The following PTGER3 variants were observed in gnomAD, a reference collection of about 807,000 sequenced individuals.
PTGER3 encodes the protein prostaglandin E2 receptor EP3 subtype.
Under a neutral mutation model 34.7 loss-of-function variants are expected in PTGER3, and 22 were observed. The ratio of observed to expected loss-of-function variants is 0.63; its 90% CI spans 0.45 to 0.91. The LOEUF (loss-of-function observed/expected upper bound fraction) is 0.91. Among genes scored for constraint, PTGER3 ranks in the 40% least tolerant of loss-of-function variants. PTGER3 has a pLI of 0.00. For missense variants in PTGER3, 468 were observed against 519.4 expected (o/e 0.90, Z 0.96); for synonymous variants, 241 against 230.1 (o/e 1.05, Z -0.43).
chr1:71,037,841 T>C (rs1399581198), intron 1 of PTGER3, among the ~76,000 whole-genome samples: 1 of 152,212 alleles, frequency 6.6e-6, no homozygotes, highest in African/African-American at 2.4e-5. Flanking sequence ...ATAACTTTCT[T>C]CTGTTCTTCT....
At chr1:70,852,715 TG>T in exon 5 of PTGER3, 3 of 1,169,460 alleles carry the variant, frequency 2.6e-6, no homozygotes, top group Non-Finnish European at 3.8e-6. Context: ...TATTTGGGGG[TG>T]GGCTTGGGGG....
At chr1:70,858,642 A>G (rs1465547702) in intron 4 of PTGER3, among the ~76,000 whole-genome samples, 1 of 152,162 alleles carries the variant, frequency 6.6e-6, no homozygotes, top group African/African-American at 2.4e-5. Context: ...TATACCCTAA[A>G]AAGATTATAA....
chr1:70,987,200 A>G (rs1655007358), intron 2 of PTGER3, among the ~76,000 whole-genome samples: 2 of 152,134 alleles, frequency 1.3e-5, no homozygotes, highest in Non-Finnish European at 1.5e-5. Flanking sequence ...AGTTTGATGT[A>G]TTATAAAGGT....
At position 71,047,491 on chromosome 1, in the gene PTGER3, A is replaced by G. The variant is rs372929649; in HGVS notation, c.87T>C (p.Arg29=). 1.9e-5 allele frequency: 31 copies of G among 1,605,686 alleles called. No homozygotes were observed. The highest frequency in any genetic ancestry group is 6.7e-5 in the East Asian group (3 of 44,532). Residue 29 remains arginine (R), a synonymous_variant, in exon 1 of 4, where the codon CGT becomes CGC. Transcript: ENST00000306666. ...HSYTGMWAPE[R]SAEARGNLTR... ...TGAGGTTGCCCCGCGCCTCGGCGGA[A>G]CGCTCGGGCGCCCACATGCCTGTGT...
At chr1:71,000,471 T>C (rs1268451059) in intron 2 of PTGER3, among the ~76,000 whole-genome samples, 2 of 152,206 alleles carry the variant, frequency 1.3e-5, no homozygotes, top group Non-Finnish European at 2.9e-5. Flanking sequence ...GAAAGCATTC[T>C]CTTTCCATTT....
chr1:70,853,718 G>C (rs1645734614), intron 4 of PTGER3, among the ~76,000 whole-genome samples: 1 of 152,098 alleles, frequency 6.6e-6, no homozygotes, highest in Non-Finnish European at 1.5e-5. Flanking sequence ...TTTTAAATAG[G>C]TTAAGTGATC....
chr1:71,027,205 C>T (rs10889903), intron 1 of PTGER3, among the ~76,000 whole-genome samples: 56,559 of 150,062 alleles, frequency 0.38, 11,408 homozygotes, highest in South Asian at 0.48. Context: ...TCTCTGTCAC[C>T]GAGGCTGGAG....
At chr1:70,954,249 G>A (rs1027473862) in intron 2 of PTGER3, among the ~76,000 whole-genome samples, 2 of 152,110 alleles carry the variant, frequency 1.3e-5, no homozygotes, top group African/African-American at 4.8e-5. Context: ...ACCCAGGCTG[G>A]CCAAGAGGAT....
rs760281024 is a variant in PTGER3, at chr1:71,046,670, G to C, written c.897+11C>G. Reference sequence around the variant, plus strand: ...CGCATCCTGACTTCCCCCAACCCTGGAACTACCTACCAGGAGCGGAGACCA... The same window carrying C: ...CGCATCCTGACTTCCCCCAACCCTGCAACTACCTACCAGGAGCGGAGACCA... On this transcript the variant is annotated intron_variant, in intron 1 of 3. Coordinates refer to ENST00000306666, the MANE Select transcript of PTGER3 (RefSeq NM_198719.2). 38 of 1,533,786 alleles carry C rather than the reference G, an allele frequency of 2.5e-5. No homozygotes were observed. In the South Asian group the frequency reaches 4.4e-4, roughly 18 times the overall value.
At chr1:70,856,182 TA>T (rs1440071634) in intron 4 of PTGER3, among the ~76,000 whole-genome samples, 3 of 152,150 alleles carry the variant, frequency 2.0e-5, no homozygotes, top group South Asian at 2.1e-4. Context: ...ATAATATTTT[TA>T]TTTAGGAACT....
intron 2 of PTGER3, among the ~76,000 whole-genome samples, chr1:70,958,620 T>A (rs1201323814): frequency 6.6e-6 from 1 of 152,208 alleles, no homozygotes. Flanking sequence ...TCTCTCATTC[T>A]GTAGATTTTC....
chr1:71,010,070 C>A, intron 2 of PTGER3: 2 of 985,040 alleles, frequency 2.0e-6, no homozygotes, highest in Non-Finnish European at 2.4e-6. Flanking sequence ...TGCCATTCAT[C>A]CCCTCCTAAA....
chr1:71,012,133 T>C, intron 2 of PTGER3, 172 bp downstream of exon 2: 1 of 1,522,582 alleles, frequency 6.6e-7, no homozygotes. Flanking sequence ...AACAGTGGCA[T>C]GCCAGAGATG....
intron 4 of PTGER3, among the ~76,000 whole-genome samples, chr1:70,931,206 C>A (rs938325272): frequency 3.9e-5 from 6 of 152,186 alleles, no homozygotes; most frequent in African/African-American, 7.2e-5. Context: ...TCCAGGTCAC[C>A]CTGATGCAAG....
intron 4 of PTGER3, among the ~76,000 whole-genome samples, chr1:70,922,218 G>A (rs780079049): frequency 4.0e-5 from 6 of 151,544 alleles, no homozygotes; most frequent in African/African-American, 1.5e-4. Context: ...ATGCAAAGAA[G>A]GTTATAAAGA....
At chr1:70,860,704 C>A (rs1184991776) in intron 4 of PTGER3, among the ~76,000 whole-genome samples, 2 of 151,950 alleles carry the variant, frequency 1.3e-5, no homozygotes, top group Non-Finnish European at 2.9e-5. Context: ...AAGAACCTAC[C>A]AATAATGTTA....
intron 4 of PTGER3, among the ~76,000 whole-genome samples, chr1:70,874,725 G>T (rs1464882749): frequency 2.0e-5 from 3 of 151,798 alleles, no homozygotes; most frequent in Admixed American, 6.6e-5. Flanking sequence ...ACTTCTGTTT[G>T]TTCCCTTCCA....
At chr1:70,862,268 A>G in intron 4 of PTGER3, 1 of 1,159,708 alleles carries the variant, frequency 8.6e-7, no homozygotes, top group Non-Finnish European at 1.2e-6. Context: ...AAAAATATTA[A>G]TAGTAACTGG....
At chr1:71,045,231 T>A (rs1331788062) in intron 1 of PTGER3, among the ~76,000 whole-genome samples, 1 of 152,196 alleles carries the variant, frequency 6.6e-6, no homozygotes, top group Non-Finnish European at 1.5e-5. Context: ...GAAATTACAT[T>A]TCTATTTTCA....
Sources: gnomAD v4.1 joint callset for allele counts (sites outside exome capture counted in the v4.1 genomes callset) on GRCh38, gnomAD v4.1.1 for gene constraint, MANE v1.5 for transcripts, NCBI Gene and HGNC (gene_info 2026-07-23, HGNC 2026-07-21) for gene names.